ANGEL1: variants seen among roughly 807,000 people sequenced by gnomAD.
ANGEL1 encodes the protein RNA 2',3'-cyclic phosphatase ANGEL1.
A neutral mutation model predicts 76.4 loss-of-function variants in ANGEL1; 62 were observed. That is an observed-to-expected ratio of 0.81 (90% CI 0.66 to 1.00). The LOEUF is 1.00. Ranked by LOEUF, ANGEL1 falls within the 50% of genes least tolerant of loss-of-function variation. ANGEL1 has a pLI of 0.00. For synonymous variants in ANGEL1, 340 were observed against 331.7 expected (o/e 1.03, Z -0.27); for missense variants, 737 against 836.7 (o/e 0.88, Z 1.47).
At chr14:76,799,625 G>T (rs1251299366) in intron 7 of ANGEL1, among the ~76,000 whole-genome samples, 1 of 152,122 alleles carries the variant, frequency 6.6e-6, no homozygotes, top group African/African-American at 2.4e-5. Flanking sequence ...AAGATAGTTG[G>T]CTGGGCATGG....
At chr14:76,797,680 C>A (rs2082819764) in intron 7 of ANGEL1, among the ~76,000 whole-genome samples, 2 of 152,202 alleles carry the variant, frequency 1.3e-5, no homozygotes, top group South Asian at 4.1e-4. Flanking sequence ...ATAGCCTTAG[C>A]CTTTGCTGTG....
chr14:76,796,560 C>CT (rs1164748192), intron 7 of ANGEL1, among the ~76,000 whole-genome samples: 1 of 152,086 alleles, frequency 6.6e-6, no homozygotes, highest in Non-Finnish European at 1.5e-5. Flanking sequence ...CAGCTTTTCA[C>CT]TTTTAACTTA....
rs1166832581 is a variant in ANGEL1, at chr14:76,786,144, T to TTTTC, written c.*3080_*3083dup. Reference sequence around the variant, plus strand: ...ATGATGTTTCTAATTCCTAGCTGAGTTTTCTTTCTTTTCTTTTCTTTTCTT... The same window carrying TTTTC: ...ATGATGTTTCTAATTCCTAGCTGAGTTTTCTTTCTTTCTTTTCTTTTCTTTTCTT... On this transcript the variant is annotated 3_prime_UTR_variant, in exon 10 of 10. Transcript: ENST00000251089. 1.3e-5 allele frequency: 2 copies of TTTTC among 153,254 alleles called. No homozygotes were observed. The highest frequency in any genetic ancestry group is 2.0e-4 in the South Asian group (1 of 4,880). 9.5% of individuals were successfully genotyped at this position (153,254 alleles called of 1,614,324 possible).
In ANGEL1 at chr14:76,808,263, G is replaced by C. The variant is rs150754410; in HGVS notation, c.650-115C>G. Reference sequence around the variant, plus strand: ...TGAAGTTCCTTTTTCCATCTTCCCTGTCACCCATCCCTCTCTGTGGGGAAT... The same window carrying C: ...TGAAGTTCCTTTTTCCATCTTCCCTCTCACCCATCCCTCTCTGTGGGGAAT... On this transcript the variant is annotated intron_variant, in intron 2 of 9. Coordinates refer to ENST00000251089, the MANE Select transcript of ANGEL1 (RefSeq NM_015305.4). The C allele has an allele frequency of 1.0e-3, 833 of 814,684 alleles. 2 individuals are homozygous for C. The highest frequency in any genetic ancestry group is 4.4e-3 in the South Asian group (256 of 57,792). The allele number at this position is 814,684 out of a possible 1,614,324, so 50.5% of individuals were successfully genotyped here.
intron 7 of ANGEL1, among the ~76,000 whole-genome samples, chr14:76,799,991 ACATT>A (rs1595300882): frequency 6.6e-6 from 1 of 152,170 alleles, no homozygotes; most frequent in East Asian, 1.9e-4. Context: ...ATAGAAGGGT[ACATT>A]CAAAGTATGT....
chr14:76,812,162 C>T (rs768363710), intron 1 of ANGEL1: 100 of 822,932 alleles, frequency 1.2e-4, no homozygotes, highest in Non-Finnish European at 1.4e-4. Flanking sequence ...CAGCACATCT[C>T]CCTCTAAACC....
rs978775523 is a variant in ANGEL1, at chr14:76,786,527, C to G, written c.*2701G>C. The G allele has an allele frequency of 6.6e-6, 1 of 152,218 alleles. No homozygotes were observed. Among genetic ancestry groups the G allele is most frequent in the Non-Finnish European group, 1.5e-5 (1 of 68,056 alleles). The allele number at this position is 152,218 out of a possible 1,614,324, so 9.4% of individuals were successfully genotyped here. ...ACCCAGGTAGTGCAATGGAAGCAAC[C>G]AAGTGGCTTTAAATCAATCAGATTC... On this transcript the variant is annotated 3_prime_UTR_variant, in exon 10 of 10. Transcript: ENST00000251089.
chr14:76,812,730 CG>C, intron 1 of ANGEL1, 33 bp downstream of exon 1: 1 of 1,496,288 alleles, frequency 6.7e-7, no homozygotes, highest in Non-Finnish European at 8.9e-7. Context: ...GAGCCCTGGC[CG>C]GGCTCCTGTC....
Position 76,808,048 on chromosome 14 carries a change from A to G in ANGEL1, c.750T>C (p.Tyr250=), listed in dbSNP as rs1894972751. ...GCATCAGGTCCTGAGCCAGGATGTT[A>G]TAAGACATCAGAGTGAACTGGAACT... ...GPQFQFTLMS[Y]NILAQDLMQQ... The change falls in exon 3 of 10, where the codon TAT becomes TAC. Residue 250 remains tyrosine, a synonymous_variant. Coordinates refer to ENST00000251089, the MANE Select transcript of ANGEL1 (RefSeq NM_015305.4). 3 of 1,614,186 alleles carry G rather than the reference A, an allele frequency of 1.9e-6. No homozygotes were observed. The highest frequency in any genetic ancestry group is 1.7e-6 in the Non-Finnish European group (2 of 1,180,036).
chr14:76,808,727 T>A (rs1894996009), intron 2 of ANGEL1, among the ~76,000 whole-genome samples: 3 of 152,188 alleles, frequency 2.0e-5, no homozygotes, highest in African/African-American at 4.8e-5. Flanking sequence ...GACCTCTCTA[T>A]CCCTACCTCC....
chr14:76,790,238 T>C (rs940334989), intron 9 of ANGEL1, among the ~76,000 whole-genome samples: 13 of 151,922 alleles, frequency 8.6e-5, no homozygotes, highest in South Asian at 2.1e-4. Flanking sequence ...GGCTGGGAGA[T>C]TGCTATACTG....
intron 5 of ANGEL1, among the ~76,000 whole-genome samples, chr14:76,805,288 G>C (rs1894885822): frequency 6.6e-6 from 1 of 152,180 alleles, no homozygotes; most frequent in South Asian, 2.1e-4. Context: ...ACTCAGGACT[G>C]TCTGGCTTCA....
Position 76,807,499 on chromosome 14 carries a change from G to C in ANGEL1, c.880C>G (p.Leu294Val). Residue 294 changes from leucine to valine, a missense_variant, in exon 4 of 10, where the codon CTG (leucine) becomes GTG (valine). Transcript: ENST00000251089. ...TCTTCCTGGACTTCCTGGAGACACA[G>C]GATCTGGGAAATTGACAAGAAACCC... ...QEFQHWDPDI[L>V]CLQEVQEDHY... 9 of 1,613,466 alleles carry C rather than the reference G, an allele frequency of 5.6e-6. No homozygotes were observed. Among genetic ancestry groups the C allele is most frequent in the Non-Finnish European group, 7.6e-6 (9 of 1,179,804 alleles).
rs547729437 is a variant in ANGEL1 at position 76,787,229 on chromosome 14, T to G, written c.*1999A>C. The G allele has an allele frequency of 6.6e-6, 1 of 152,148 alleles. No homozygotes were observed. The highest frequency in any genetic ancestry group is 2.1e-4 in the South Asian group (1 of 4,834). The allele number at this position is 152,148 out of a possible 1,614,324, so 9.4% of individuals were successfully genotyped here. On this transcript the variant is annotated 3_prime_UTR_variant, in exon 10 of 10. Transcript: ENST00000251089. ...GGACCTAATCCCTTCAGGATCCTAA[T>G]AAAATGAACAACATTGGGGGGAAAA...
intron 1 of ANGEL1, 68 bp from the exon 2 acceptor site, chr14:76,809,711 A>G: frequency 7.3e-7 from 1 of 1,371,388 alleles, no homozygotes; most frequent in Non-Finnish European, 1.0e-6. Flanking sequence ...CCCAGCTAAA[A>G]CATAAGCCCA....
chr14:76,799,578 C>T (rs1894697559), intron 7 of ANGEL1, among the ~76,000 whole-genome samples: 1 of 152,010 alleles, frequency 6.6e-6, no homozygotes, highest in Non-Finnish European at 1.5e-5. Flanking sequence ...CAGGCGTGAG[C>T]CACCGCGCCC....
rs1248926100 is a variant in ANGEL1 at position 76,799,403 on chromosome 14, C to T, written c.1618+3968G>A. On this transcript the variant is annotated intron_variant, in intron 7 of 9. Transcript: ENST00000251089. ...CTGCCTCCCGCGTTCACACCATTCT[C>T]CTGCCTCAGCCTCCCGAGTAGCTGG... Among the ~76,000 whole-genome samples the T allele has an allele frequency of 2.0e-4, 29 of 146,226 alleles. No individual in the cohort carries two copies. In the Admixed American group the frequency reaches 2.0e-3, roughly 10 times the overall value.
Position 76,803,798 on chromosome 14 carries a change from G to A in ANGEL1, c.1495C>T (p.Pro499Ser), listed in dbSNP as rs147397247. ...DCCQYVTSCH[P>S]KRSERRKYGR... Reference sequence around the variant, plus strand: ...GACATGTGCTCACCTGATCTCTTGGGGTGACAGGAGGTGACATACTGACAG... The same window carrying A: ...GACATGTGCTCACCTGATCTCTTGGAGTGACAGGAGGTGACATACTGACAG... The change falls in exon 6 of 10, where the codon CCC becomes TCC. Residue 499 changes from proline (P) to serine (S), a missense_variant. Physicochemically the swap from Pro to Ser is moderately conservative, Grantham distance 74. Around this residue, in one of 2 missense-constraint regions of ANGEL1, gnomAD observed 296 missense variants for 387.2 expected, o/e 0.76. Transcript: ENST00000251089. 11 of 1,612,754 alleles carry A rather than the reference G, an allele frequency of 6.8e-6. No homozygotes were observed. The African/African-American group carries it at 1.1e-4, about 16-fold the overall frequency.
intron 7 of ANGEL1, among the ~76,000 whole-genome samples, chr14:76,794,728 GATTT>G: frequency 1.3e-5 from 2 of 149,300 alleles, no homozygotes; most frequent in South Asian, 2.1e-4. Flanking sequence ...CTTCCTGTTA[GATTT>G]ATTTCTATAT....
Sources: gnomAD v4.1 joint callset for allele counts (sites outside exome capture counted in the v4.1 genomes callset) on GRCh38, gnomAD v4.1.1 for gene constraint, gnomAD v4.1.1 regional missense constraint, MANE v1.5 for transcripts, NCBI Gene and HGNC (gene_info 2026-07-23, HGNC 2026-07-21) for gene names.